Variants in ERC2 observed in about 807,000 individuals in gnomAD.
ERC2 encodes the protein ELKS/RAB6-interacting/CAST family member 2.
A neutral mutation model predicts 114.8 loss-of-function variants in ERC2; 42 were observed. That is an observed-to-expected ratio of 0.37 (90% CI 0.29 to 0.47). The LOEUF (loss-of-function observed/expected upper bound fraction) is 0.47, where lower values mean the gene tolerates loss of function less well. ERC2 is among the 20% of genes least tolerant of loss of function. The pLI is 0.99. For synonymous variants in ERC2, 454 were observed against 425.5 expected, an observed-to-expected ratio of 1.07 and a Z score of -0.82; for missense variants, 939 against 1,150.7, an observed-to-expected ratio of 0.82 and a Z score of 2.66.
intron 14 of ERC2, among the ~76,000 whole-genome samples, chr3:55,797,921 T>C (rs1340149509): frequency 6.6e-6 from 1 of 152,146 alleles, no homozygotes; most frequent in Non-Finnish European, 1.5e-5. Context: ...AAAAATATAA[T>C]TGTTAACCTA....
chr3:55,674,906 G>A (rs971539763), intron 17 of ERC2, among the ~76,000 whole-genome samples: 6 of 152,146 alleles, frequency 3.9e-5, no homozygotes, highest in African/African-American at 7.2e-5. Context: ...AAGGGCACAC[G>A]GTGAGGTTGC....
chr3:55,974,805 C>T (rs1392336962), intron 12 of ERC2, among the ~76,000 whole-genome samples: 3 of 152,282 alleles, frequency 2.0e-5, no homozygotes, highest in South Asian at 2.1e-4. Context: ...GGCAAAGACT[C>T]GGACCAGCAG....
At chr3:56,318,871 G>A (rs950687777) in intron 2 of ERC2, among the ~76,000 whole-genome samples, 4 of 151,178 alleles carry the variant, frequency 2.6e-5, no homozygotes, top group Non-Finnish European at 4.4e-5. Flanking sequence ...GCCAAGGTGG[G>A]AGGTTTGCTT....
intron 3 of ERC2, among the ~76,000 whole-genome samples, chr3:56,241,112 A>T (rs78568203): frequency 0.031 from 4,693 of 152,240 alleles, 246 homozygotes; most frequent in African/African-American, 0.11. Context: ...TTCACTTAGG[A>T]TAATGGCATC....
intron 14 of ERC2, among the ~76,000 whole-genome samples, chr3:55,826,646 A>G (rs2060337544): frequency 1.3e-5 from 2 of 152,234 alleles, no homozygotes; most frequent in Admixed American, 1.3e-4. Flanking sequence ...ACAAAAGGCT[A>G]AAACAGACCC....
At chr3:56,341,488 G>A (rs1476556569) in intron 2 of ERC2, among the ~76,000 whole-genome samples, 1 of 152,122 alleles carries the variant, frequency 6.6e-6, no homozygotes, top group East Asian at 1.9e-4. Flanking sequence ...ACTACCTGTT[G>A]GGATGAAAGG....
intron 6 of ERC2, among the ~76,000 whole-genome samples, chr3:56,134,791 T>C (rs370552703): frequency 2.0e-5 from 3 of 152,318 alleles, no homozygotes; most frequent in African/African-American, 7.2e-5. Context: ...ATTAGCATTA[T>C]GTACCACTGT....
intron 3 of ERC2, among the ~76,000 whole-genome samples, chr3:56,267,546 T>G (rs1576178863): frequency 6.7e-6 from 1 of 148,822 alleles, no homozygotes; most frequent in African/African-American, 2.5e-5. Flanking sequence ...CCAAGGCGGG[T>G]GGATCATGAG....
At chr3:55,565,508 C>T (rs1199926445) in intron 17 of ERC2, among the ~76,000 whole-genome samples, 1 of 152,044 alleles carries the variant, frequency 6.6e-6, no homozygotes, top group Non-Finnish European at 1.5e-5. Context: ...CCACGTTCCA[C>T]CTCTGCATTT....
At chr3:55,612,429 T>G (rs2058945268) in intron 17 of ERC2, among the ~76,000 whole-genome samples, 1 of 152,184 alleles carries the variant, frequency 6.6e-6, no homozygotes, top group East Asian at 1.9e-4. Flanking sequence ...CAGGTAAGCC[T>G]TATTCCCAGC....
At chr3:56,067,991 C>G (rs1019693434) in intron 7 of ERC2, among the ~76,000 whole-genome samples, 16 of 151,996 alleles carry the variant, frequency 1.1e-4, no homozygotes, top group African/African-American at 3.9e-4. Flanking sequence ...GGGTATTGGC[C>G]TGAATTTTTT....
intron 2 of ERC2, among the ~76,000 whole-genome samples, chr3:56,329,367 G>A (rs2057504777): frequency 1.3e-5 from 2 of 152,166 alleles, no homozygotes; most frequent in African/African-American, 2.4e-5. Context: ...GGAGCCTGGA[G>A]AGCCTTCATA....
rs116709949 is a variant in ERC2 at position 55,922,649 on chromosome 3, C to T, written c.2403+27776G>A. 1.6e-3 allele frequency among the ~76,000 whole-genome samples: 239 copies of T among 152,268 alleles called. 1 individual carries two copies. The highest frequency in any genetic ancestry group is 5.4e-3 in the African/African-American group (224 of 41,568). On this transcript the variant is annotated intron_variant, in intron 13 of 17. Transcript: ENST00000288221. ...TAATTACAATCAAACAGAGATCCTACGTAACTGTCCTCAAGACCTTCCAGG... is the reference window on the plus strand; with the variant it reads ...TAATTACAATCAAACAGAGATCCTATGTAACTGTCCTCAAGACCTTCCAGG...
intron 14 of ERC2, among the ~76,000 whole-genome samples, chr3:55,832,742 A>G (rs918927890): frequency 2.0e-5 from 3 of 152,254 alleles, no homozygotes; most frequent in Non-Finnish European, 4.4e-5. Context: ...CCAGCAACGG[A>G]ACAAAGCTGG....
intron 14 of ERC2, among the ~76,000 whole-genome samples, chr3:55,844,180 A>G (rs975405372): frequency 1.3e-5 from 2 of 152,324 alleles, no homozygotes; most frequent in African/African-American, 4.8e-5. Context: ...GAACATATGC[A>G]TTCTACATAT....
intron 3 of ERC2, among the ~76,000 whole-genome samples, chr3:56,262,039 C>T (rs140898932): frequency 3.3e-5 from 5 of 152,248 alleles, no homozygotes; most frequent in Admixed American, 6.5e-5. Flanking sequence ...GCAAAGGACA[C>T]GATCTCATTC....
chr3:56,102,729 TGAA>T (rs998988198), intron 6 of ERC2, among the ~76,000 whole-genome samples: 3 of 152,214 alleles, frequency 2.0e-5, no homozygotes, highest in African/African-American at 7.2e-5. Flanking sequence ...AATTTCTTCT[TGAA>T]GAAAGTGAAG....
In ERC2 at chr3:55,511,122, A is replaced by C. The variant is rs2052036725; in HGVS notation, c.*194T>G. On this transcript the variant is annotated 3_prime_UTR_variant, in exon 18 of 18. Transcript: ENST00000288221. ...AGGTGGTGAAGGAAATATCAAGTAGAACAGAATCACGCTCAATAAGGTAAG... is the reference window on the plus strand; with the variant it reads ...AGGTGGTGAAGGAAATATCAAGTAGCACAGAATCACGCTCAATAAGGTAAG... 6.6e-6 allele frequency: 1 copy of C among 152,590 alleles called. No homozygotes were observed. The highest frequency in any genetic ancestry group is 2.1e-4 in the South Asian group (1 of 4,822). The allele number at this position is 152,590 out of a possible 1,614,324, so 9.5% of individuals were successfully genotyped here. A position where few individuals can be genotyped will look rare whatever the true frequency, so the allele number is the denominator to read the frequency against.
At chr3:55,693,672 G>C (rs1349748753) in intron 16 of ERC2, among the ~76,000 whole-genome samples, 1 of 152,008 alleles carries the variant, frequency 6.6e-6, no homozygotes, top group Non-Finnish European at 1.5e-5. Context: ...GAAAGCTGGG[G>C]CAAATGGAAA....
Sources: allele counts gnomAD v4.1 joint callset (sites outside exome capture counted in the v4.1 genomes callset), GRCh38; gene constraint gnomAD v4.1.1; transcripts MANE v1.5; gene names NCBI Gene and HGNC (gene_info 2026-07-23, HGNC 2026-07-21).